HMCN1: variants seen among roughly 807,000 people sequenced by gnomAD.
The protein encoded by HMCN1 is hemicentin-1.
Under a neutral mutation model 625.9 loss-of-function variants are expected in HMCN1, and 321 were observed. The ratio of observed to expected loss-of-function variants is 0.51; its 90% CI spans 0.47 to 0.56. The LOEUF (loss-of-function observed/expected upper bound fraction) is 0.56. Ranked by LOEUF, HMCN1 falls within the 20% of genes least tolerant of loss-of-function variation. The pLI is 0.00. For synonymous variants in HMCN1, 2,425 were observed against 2,417.6 expected, an observed-to-expected ratio of 1.00 and a Z score of -0.09; for missense variants, 6,588 against 6,887.3, an observed-to-expected ratio of 0.96 and a Z score of 1.54.
chr1:185,983,048 G>A (rs1239275569), intron 18 of HMCN1, among the ~76,000 whole-genome samples: 1 of 151,722 alleles, frequency 6.6e-6, no homozygotes, highest in South Asian at 2.1e-4. Context: ...ATTGTTAAAC[G>A]TTAATATTCC....
chr1:185,882,545 G>T (rs1393590290), intron 4 of HMCN1, among the ~76,000 whole-genome samples: 1 of 151,608 alleles, frequency 6.6e-6, no homozygotes, highest in Non-Finnish European at 1.5e-5. Context: ...ACATTGATAT[G>T]GGTAGTTGCC....
chr1:185,889,482 G>C (rs61829912), intron 4 of HMCN1, among the ~76,000 whole-genome samples: 39,736 of 137,684 alleles, frequency 0.29, 7,871 homozygotes, highest in African/African-American at 0.51. Context: ...GAAATATGTC[G>C]CATCAATACC....
intron 11 of HMCN1, among the ~76,000 whole-genome samples, chr1:185,940,737 A>C (rs1296101905): frequency 6.6e-6 from 1 of 152,088 alleles, no homozygotes; most frequent in Non-Finnish European, 1.5e-5. Context: ...AAGCTTCTTT[A>C]ATCAAGCTAC....
chr1:186,063,063 T>C (rs1347953066), intron 48 of HMCN1, among the ~76,000 whole-genome samples: 2 of 94,562 alleles, frequency 2.1e-5, no homozygotes, highest in African/African-American at 4.3e-5. Flanking sequence ...TGTGTGTGTG[T>C]GTGCATATAT....
rs111529456 is a variant in HMCN1, at chr1:185,824,457, C to T, written c.269-21569C>T. On this transcript the variant is annotated intron_variant, in intron 1 of 106. Coordinates refer to ENST00000271588, the MANE Select transcript of HMCN1 (RefSeq NM_031935.3). Reference sequence around the variant, plus strand: ...TCAGAGAATTCTCAAATTGTGTAACCCTGTAAATATACCCTCTCTGCAAGC... The same window carrying T: ...TCAGAGAATTCTCAAATTGTGTAACTCTGTAAATATACCCTCTCTGCAAGC... 3.5e-3 allele frequency among the ~76,000 whole-genome samples: 526 copies of T among 152,136 alleles called. 1 individual carries two copies. Among genetic ancestry groups the T allele is most frequent in the African/African-American group, 0.012 (502 of 41,510 alleles).
rs748374534 is a variant in HMCN1 at position 186,114,890 on chromosome 1, G to T, written c.11348G>T (p.Cys3783Phe). ...GTCACTGACACTGGACGGTATTTGT[G>T]TATGGCCACCAATGCTGCTGGAACA... ...AHVTDTGRYLCMATNAAGTDR... is the reference protein window; with the variant it reads ...AHVTDTGRYLFMATNAAGTDR... Residue 3783 changes from cysteine to phenylalanine, a missense_variant, in exon 74 of 107, where the codon TGT (cysteine) becomes TTT (phenylalanine). By Grantham distance (205) the Cys-to-Phe change is radical. This residue lies in a region of HMCN1 where 4,628 missense variants were observed against 4,853.1 expected (regional missense o/e 0.95). Transcript: ENST00000271588. 3.1e-6 allele frequency: 5 copies of T among 1,614,124 alleles called. No individual in the cohort carries two copies. The East Asian group carries it at 1.1e-4, about 36-fold the overall frequency.
In HMCN1 at chr1:186,119,818, A is replaced by G; in HGVS notation, c.12030A>G (p.Glu4010=). 1 of 1,614,144 alleles carries G rather than the reference A, an allele frequency of 6.2e-7. No individual in the cohort carries two copies. The highest frequency in any genetic ancestry group is 8.5e-7 in the Non-Finnish European group (1 of 1,179,988). The change falls in exon 79 of 107, where the codon GAA becomes GAG. Residue 4010 remains glutamate, a synonymous_variant. Coordinates refer to ENST00000271588, the MANE Select transcript of HMCN1 (RefSeq NM_031935.3). ...ACAATCCTATTTTATTACCATGTGA[A>G]GCAACAGGGACACCCAGTCCTTTCA... ...ILNNPILLPC[E]ATGTPSPFIT...
At chr1:185,912,778 A>G (rs1452587466) in intron 6 of HMCN1, among the ~76,000 whole-genome samples, 1 of 152,056 alleles carries the variant, frequency 6.6e-6, no homozygotes, top group Non-Finnish European at 1.5e-5. Flanking sequence ...CCATTCCTGT[A>G]TTATCTCCTC....
chr1:186,000,350 T>C, intron 26 of HMCN1, 111 bp downstream of exon 26: 1 of 781,778 alleles, frequency 1.3e-6, no homozygotes, highest in Non-Finnish European at 2.2e-6. Context: ...ATAGCAGTAT[T>C]ACCAAACAGA....
At chr1:186,123,411 T>C (rs1661492687) in intron 81 of HMCN1, among the ~76,000 whole-genome samples, 191 bp downstream of exon 81, 1 of 152,136 alleles carries the variant, frequency 6.6e-6, no homozygotes, top group Non-Finnish European at 1.5e-5. Context: ...TTTGTGCACA[T>C]AGGTGTGTGA....
chr1:186,037,949 A>G lies in HMCN1; in HGVS notation c.5765A>G (p.Glu1922Gly), dbSNP rs922279989. Residue 1922 changes from glutamate to glycine, a missense_variant, in exon 37 of 107, where the codon GAA becomes GGA. Glu to Gly is a moderately conservative substitution (Grantham distance 98). Coordinates refer to ENST00000271588, the MANE Select transcript of HMCN1 (RefSeq NM_031935.3). ...QLHVHEPPSL[E>G]DAGKMLNETV... The stretch of plus-strand genomic sequence containing the variant: ...CCTCTTGTAGAACCACCTAGTCTGG[A>G]AGATGCTGGAAAAATGCTGAATGAG... 4 of 1,609,450 alleles carry G rather than the reference A, an allele frequency of 2.5e-6. No individual in the cohort carries two copies. In the African/African-American group the frequency reaches 4.0e-5, roughly 16 times the overall value.
At chr1:186,039,664 T>C in intron 38 of HMCN1, 64 bp from the exon 39 acceptor site, 2 of 1,527,448 alleles carry the variant, frequency 1.3e-6, no homozygotes, top group South Asian at 2.2e-5. Context: ...AGATGTAGTT[T>C]TCATCATTTG....
intron 36 of HMCN1, among the ~76,000 whole-genome samples, chr1:186,024,841 AC>A (rs1320357152): frequency 6.6e-6 from 1 of 152,052 alleles, no homozygotes; most frequent in Non-Finnish European, 1.5e-5. Flanking sequence ...GCAGCCCCCA[AC>A]CTTTTTGGCA....
At chr1:185,803,639 T>A (rs1422038023) in intron 1 of HMCN1, among the ~76,000 whole-genome samples, 1 of 152,106 alleles carries the variant, frequency 6.6e-6, no homozygotes, top group African/African-American at 2.4e-5. Flanking sequence ...TTAGTACCTG[T>A]TTAGGAATAG....
chr1:185,944,218 A>G (rs1213612256), intron 11 of HMCN1, among the ~76,000 whole-genome samples: 3 of 152,218 alleles, frequency 2.0e-5, no homozygotes, highest in Non-Finnish European at 4.4e-5. Context: ...AAATGAGAGT[A>G]CTTACCAAAA....
Position 186,152,752 on chromosome 1 carries a change from G to A in HMCN1, c.14899G>A (p.Glu4967Lys). 3 of 1,613,822 alleles carry A rather than the reference G, an allele frequency of 1.9e-6. No homozygotes were observed. The highest frequency in any genetic ancestry group is 2.5e-6 in the Non-Finnish European group (3 of 1,179,756). Reference sequence around the variant, plus strand: ...AATGAATGTCTTGTAATTCCCAGGAGAAATCTTGCAGATGAGTCATATTGC... The same window carrying A: ...AATGAATGTCTTGTAATTCCCAGGAAAAATCTTGCAGATGAGTCATATTGC... ...RETQVEFATG[E>K]ILQMSHIARG... The change falls in exon 96 of 107, where the codon GAA (glutamate) becomes AAA (lysine). Residue 4967 changes from glutamate to lysine, a missense_variant and splice_region_variant. Coordinates refer to ENST00000271588, the MANE Select transcript of HMCN1 (RefSeq NM_031935.3).
chr1:186,019,207 C>T (rs1178222339), intron 34 of HMCN1, among the ~76,000 whole-genome samples: 1 of 151,934 alleles, frequency 6.6e-6, no homozygotes, highest in Non-Finnish European at 1.5e-5. Context: ...TCCACCTTGA[C>T]TTAATGAAGT....
At chr1:185,743,890 A>C (rs1046710828) in intron 1 of HMCN1, among the ~76,000 whole-genome samples, 2 of 152,150 alleles carry the variant, frequency 1.3e-5, no homozygotes, top group South Asian at 4.1e-4. Context: ...TAGTGGAAGG[A>C]AGGCAATTAT....
At chr1:185,780,900 T>C (rs1317970265) in intron 1 of HMCN1, among the ~76,000 whole-genome samples, 1 of 152,212 alleles carries the variant, frequency 6.6e-6, no homozygotes. Flanking sequence ...TTTCTATTGA[T>C]TGGAATAGTT....
Sources: allele counts gnomAD v4.1 joint callset (sites outside exome capture counted in the v4.1 genomes callset), GRCh38; gene constraint gnomAD v4.1.1; regional missense constraint gnomAD v4.1.1; transcripts MANE v1.5; gene names NCBI Gene and HGNC (gene_info 2026-07-23, HGNC 2026-07-21).